Variants in EML1 observed in about 807,000 individuals in gnomAD.
EML1 encodes echinoderm microtubule-associated protein-like 1.
Under a neutral mutation model 110.4 loss-of-function variants are expected in EML1, and 27 were observed. That is an observed-to-expected ratio of 0.24 (90% CI 0.18 to 0.34). The LOEUF (loss-of-function observed/expected upper bound fraction) is 0.34, where lower values mean the gene tolerates loss of function less well. Among genes scored for constraint, EML1 ranks in the 10% least tolerant of loss-of-function variants. The pLI is 1.00. For missense variants in EML1, 741 were observed against 1,030.9 expected (o/e 0.72, Z 3.85); for synonymous variants, 344 against 385.8 (o/e 0.89, Z 1.27).
intron 1 of EML1, among the ~76,000 whole-genome samples, chr14:99,847,879 A>G (rs568062752): frequency 1.3e-5 from 2 of 151,482 alleles, no homozygotes; most frequent in Admixed American, 6.6e-5. Context: ...CTTTCAATCT[A>G]TCTGTGTCTT....
chr14:99,791,126 G>T (rs151156198), upstream of EML1, among the ~76,000 whole-genome samples: 1 of 152,236 alleles, frequency 6.6e-6, no homozygotes, highest in African/African-American at 2.4e-5. Context: ...CTCCCAAAAT[G>T]CTAGAATTAC....
chr14:99,751,038 T>C (rs1048636388), intron 1 of EML1, among the ~76,000 whole-genome samples: 1 of 152,056 alleles, frequency 6.6e-6, no homozygotes, highest in Non-Finnish European at 1.5e-5. Context: ...AGTGTAGTAA[T>C]AGCCTCTTTT....
rs1013989003 is a variant in EML1 at position 99,939,063 on chromosome 14, C to T, written c.2192-134C>T. On this transcript the variant is annotated intron_variant, in intron 20 of 21. Transcript: ENST00000262233. This position sits in a 1 kb window ranked among gnomAD's most constrained non-coding sequence, Gnocchi z 4.2. ...GAGGCCAGGAACTGAGGCTATTGTG[C>T]TTTTTTGACCCTTGTTTCTAAAGCT... The T allele has an allele frequency of 1.0e-5, 14 of 1,405,782 alleles. No individual in the cohort carries two copies. Among genetic ancestry groups the T allele is most frequent in the Non-Finnish European group, 1.3e-5 (14 of 1,042,460 alleles). 87.1% of individuals were successfully genotyped at this position (1,405,782 alleles called of 1,614,324 possible). A position where few individuals can be genotyped will look rare whatever the true frequency, so the allele number is the denominator to read the frequency against.
At chr14:99,786,538 A>C (rs1239748403) in intron 1 of EML1, among the ~76,000 whole-genome samples, 1 of 152,218 alleles carries the variant, frequency 6.6e-6, no homozygotes, top group Non-Finnish European at 1.5e-5. Flanking sequence ...AGATGTGCTC[A>C]TGACTGCAGA....
At chr14:99,929,458 A>G (rs2060326949) in intron 17 of EML1, among the ~76,000 whole-genome samples, 1 of 152,236 alleles carries the variant, frequency 6.6e-6, no homozygotes, top group Non-Finnish European at 1.5e-5. Context: ...AGTGACCCAC[A>G]GTTCCATGAT....
At chr14:99,793,247 G>C (rs1048721250), upstream of EML1, 6 of 793,318 alleles carry the variant, frequency 7.6e-6, no homozygotes, top group Non-Finnish European at 9.1e-6. Flanking sequence ...CTCCCGGCCC[G>C]GGCCCCGCGG....
upstream of EML1, among the ~76,000 whole-genome samples, chr14:99,792,029 T>A (rs1269986475): frequency 6.6e-6 from 1 of 152,128 alleles, no homozygotes; most frequent in African/African-American, 2.4e-5. Flanking sequence ...CAATTAACAA[T>A]CCTGCTAGGA....
intron 1 of EML1, among the ~76,000 whole-genome samples, chr14:99,830,332 A>G (rs1359489665): frequency 6.6e-6 from 1 of 152,068 alleles, no homozygotes; most frequent in Non-Finnish European, 1.5e-5. Flanking sequence ...CCATTTTGAA[A>G]TTGGGTTGTT....
intron 15 of EML1, among the ~76,000 whole-genome samples, chr14:99,917,201 G>A (rs2060048351): frequency 6.6e-6 from 1 of 152,198 alleles, no homozygotes; most frequent in Admixed American, 6.5e-5. Flanking sequence ...CTTTGTAGAA[G>A]GGCATTTACC....
chr14:99,793,736 C>T (rs1185101429), intron 1 of EML1, among the ~76,000 whole-genome samples, 193 bp downstream of exon 1: 2 of 146,598 alleles, frequency 1.4e-5, no homozygotes, highest in Non-Finnish European at 3.0e-5. Flanking sequence ...GGCCGCGCCT[C>T]GCTCCGGGCC....
intron 1 of EML1, among the ~76,000 whole-genome samples, chr14:99,847,292 G>A (rs375072693): frequency 2.0e-5 from 3 of 152,132 alleles, no homozygotes; most frequent in South Asian, 2.1e-4. Context: ...TTTTCTCTAC[G>A]TATCAGTTAA....
chr14:99,819,695 G>T (rs2058229174), intron 1 of EML1, among the ~76,000 whole-genome samples: 1 of 152,154 alleles, frequency 6.6e-6, no homozygotes, highest in Non-Finnish European at 1.5e-5. Context: ...CTGTCTGGAG[G>T]TTTCCCTCCG....
intron 1 of EML1, among the ~76,000 whole-genome samples, chr14:99,767,796 C>T (rs1405496167): frequency 6.6e-6 from 1 of 152,156 alleles, no homozygotes; most frequent in African/African-American, 2.4e-5. Context: ...TGGCTGCTTT[C>T]CTCAAGGCCT....
chr14:99,816,125 G>C (rs936669355), intron 1 of EML1, among the ~76,000 whole-genome samples: 1 of 152,164 alleles, frequency 6.6e-6, no homozygotes, highest in Non-Finnish European at 1.5e-5. Flanking sequence ...GTACCTCTGT[G>C]GTCAGAGAGA....
intron 8 of EML1, among the ~76,000 whole-genome samples, chr14:99,899,803 A>G (rs1280250772): frequency 6.6e-6 from 1 of 152,096 alleles, no homozygotes; most frequent in Non-Finnish European, 1.5e-5. Flanking sequence ...GCTTAAAAGT[A>G]TATTTCAGTT....
intron 3 of EML1, among the ~76,000 whole-genome samples, chr14:99,872,531 A>G (rs1210312111): frequency 2.0e-5 from 3 of 152,196 alleles, no homozygotes; most frequent in African/African-American, 7.2e-5. Flanking sequence ...CTAGAAATAC[A>G]TATTTTTCTA....
chr14:99,821,353 T>C (rs1285362583), intron 1 of EML1, among the ~76,000 whole-genome samples: 3 of 152,196 alleles, frequency 2.0e-5, no homozygotes, highest in Non-Finnish European at 2.9e-5. Flanking sequence ...TAGAGCTTTT[T>C]AAAATTTGAG....
intron 3 of EML1, among the ~76,000 whole-genome samples, chr14:99,877,821 C>T (rs941202719): frequency 6.6e-5 from 10 of 152,280 alleles, no homozygotes; most frequent in South Asian, 2.1e-4. Flanking sequence ...AGCCGCACCC[C>T]GGGTCTCCAC....
chr14:99,928,209 ATGGTGATGG>A (rs1566943427), intron 17 of EML1, among the ~76,000 whole-genome samples: 117 of 1,262 alleles, frequency 0.093, 47 homozygotes, highest in South Asian at 0.33. Flanking sequence ...GGTGGTGGTG[ATGGTGATGG>A]TGGTGGTGGT....
Sources: gnomAD v4.1 joint callset for allele counts (sites outside exome capture counted in the v4.1 genomes callset) on GRCh38, gnomAD v4.1.1 for gene constraint, Gnocchi (gnomAD v3.1) non-coding constraint, MANE v1.5 for transcripts, NCBI Gene and HGNC (gene_info 2026-07-23, HGNC 2026-07-21) for gene names.